The following THSD7B variants were observed in gnomAD, a reference collection of about 807,000 sequenced individuals.
The protein encoded by THSD7B is thrombospondin type 1 domain containing 7B.
THSD7B carries 138 observed loss-of-function variants against 213.6 expected under a neutral mutation model. That is an observed-to-expected ratio of 0.65 (90% CI 0.56 to 0.74). The LOEUF (loss-of-function observed/expected upper bound fraction) is 0.74, where lower values mean the gene tolerates loss of function less well. Ranked by LOEUF, THSD7B falls within the 30% of genes least tolerant of loss-of-function variation. The pLI is 0.00. For synonymous variants in THSD7B, 742 were observed against 687.0 expected (o/e 1.08, Z -1.25); for missense variants, 1,931 against 1,991.5 (o/e 0.97, Z 0.58).
chr2:136,923,205 A>T (rs1037785865), intron 2 of THSD7B, among the ~76,000 whole-genome samples: 1 of 152,208 alleles, frequency 6.6e-6, no homozygotes, highest in Non-Finnish European at 1.5e-5. Flanking sequence ...GTGGAATCAT[A>T]CAAGATTTGC....
intron 12 of THSD7B, among the ~76,000 whole-genome samples, chr2:137,352,516 T>A (rs1431560733): frequency 6.6e-6 from 1 of 152,052 alleles, no homozygotes; most frequent in Non-Finnish European, 1.5e-5. Context: ...GACTCTTTAA[T>A]CAGTTTTGTT....
At chr2:137,106,986 T>A (rs2104930712) in intron 4 of THSD7B, among the ~76,000 whole-genome samples, 1 of 152,342 alleles carries the variant, frequency 6.6e-6, no homozygotes, top group African/African-American at 2.4e-5. Flanking sequence ...AGTGTGGTGA[T>A]TCCTCAAGGA....
chr2:137,454,424 GTCTA>G (rs57128305), intron 15 of THSD7B, among the ~76,000 whole-genome samples: 41,716 of 137,800 alleles, frequency 0.3, 6,631 homozygotes, highest in East Asian at 0.42. Flanking sequence ...CTGTCTGTCT[GTCTA>G]TCTATCTATC....
chr2:137,332,124 G>A (rs1362037711), intron 12 of THSD7B, among the ~76,000 whole-genome samples: 3 of 152,210 alleles, frequency 2.0e-5, no homozygotes, highest in East Asian at 2.0e-4. Context: ...AGGAGGCACC[G>A]AGAGCGAGCG....
chr2:137,121,622 T>A (rs1688548923), intron 5 of THSD7B, among the ~76,000 whole-genome samples: 1 of 152,190 alleles, frequency 6.6e-6, no homozygotes, highest in Non-Finnish European at 1.5e-5. Context: ...TTCATACTCC[T>A]GTAGGACATC....
chr2:136,862,593 C>T (rs2104973651), intron 1 of THSD7B, among the ~76,000 whole-genome samples: 1 of 152,234 alleles, frequency 6.6e-6, no homozygotes, highest in East Asian at 1.9e-4. Flanking sequence ...GATTATTGTA[C>T]AACATAATTT....
intron 12 of THSD7B, among the ~76,000 whole-genome samples, chr2:137,282,724 G>A (rs1250012824): frequency 6.6e-6 from 1 of 152,078 alleles, no homozygotes; most frequent in Non-Finnish European, 1.5e-5. Flanking sequence ...TAGATGTGTG[G>A]TATTATTTCT....
At chr2:137,546,366 A>ATATATAATATATAT (rs1680710767) in intron 15 of THSD7B, among the ~76,000 whole-genome samples, 1 of 56,578 alleles carries the variant, frequency 1.8e-5, no homozygotes, top group Non-Finnish European at 3.2e-5. Context: ...TATATATTAT[A>ATATATAATATATAT]TATATATATA....
chr2:137,353,297 T>C (rs1288981047), intron 12 of THSD7B, among the ~76,000 whole-genome samples: 1 of 152,048 alleles, frequency 6.6e-6, no homozygotes, highest in Non-Finnish European at 1.5e-5. Flanking sequence ...TTTAGCAAGA[T>C]GTGTCAGTTA....
intron 2 of THSD7B, among the ~76,000 whole-genome samples, chr2:136,988,393 C>T (rs1685704706): frequency 6.6e-6 from 1 of 152,164 alleles, no homozygotes; most frequent in Non-Finnish European, 1.5e-5. Flanking sequence ...GGAAATAATA[C>T]CTAATTTGAA....
At chr2:137,006,009 TGGAAAACCATTTTCACACCTTTAAA>T (rs1242435112) in intron 2 of THSD7B, among the ~76,000 whole-genome samples, 1 of 152,186 alleles carries the variant, frequency 6.6e-6, no homozygotes, top group African/African-American at 2.4e-5. Flanking sequence ...CAAGGCTGAA[TGGAAAACCATTTTCACACCTTTAAA>T]TACTAAAGCA....
chr2:137,253,859 G>A (rs904606498), intron 10 of THSD7B, among the ~76,000 whole-genome samples: 3 of 152,064 alleles, frequency 2.0e-5, no homozygotes, highest in African/African-American at 7.2e-5. Flanking sequence ...GTTTCCGGAG[G>A]TTTTTGACTC....
intron 2 of THSD7B, among the ~76,000 whole-genome samples, chr2:136,897,896 A>G (rs543304385): frequency 6.6e-6 from 1 of 151,856 alleles, no homozygotes; most frequent in African/African-American, 2.4e-5. Flanking sequence ...TTAGCTAGAC[A>G]CAGAGTGCTG....
rs571107208 is a variant in THSD7B at position 137,275,302 on chromosome 2, G to A, written c.2397-621G>A. On this transcript the variant is annotated intron_variant, in intron 11 of 27. Coordinates refer to ENST00000409968, the MANE Select transcript of THSD7B (RefSeq NM_001316349.2). ...CAGATAAGATAGTTCCATGGTGCCC[G>A]TTCTTTTACTCTATAACCTATTGAG... Among the ~76,000 whole-genome samples the A allele has an allele frequency of 1.1e-4, 16 of 152,018 alleles. No individual in the cohort carries two copies. The South Asian group carries it at 2.9e-3, about 28-fold the overall frequency.
At chr2:136,922,906 G>A (rs541443351) in intron 2 of THSD7B, among the ~76,000 whole-genome samples, 2 of 152,218 alleles carry the variant, frequency 1.3e-5, no homozygotes, top group South Asian at 4.2e-4. Flanking sequence ...GAGTTTATGT[G>A]AATTTGGATA....
chr2:137,674,408 C>G (rs1160076059), intron 27 of THSD7B, among the ~76,000 whole-genome samples: 1 of 152,114 alleles, frequency 6.6e-6, no homozygotes, highest in East Asian at 1.9e-4. Flanking sequence ...CAACCCACCC[C>G]ATCACCACCA....
intron 2 of THSD7B, among the ~76,000 whole-genome samples, chr2:136,943,377 GGAT>G (rs1369125676): frequency 6.6e-6 from 1 of 152,162 alleles, no homozygotes; most frequent in African/African-American, 2.4e-5. Context: ...TTTGGTATCA[GGAT>G]GATGGCTAGC....
intron 12 of THSD7B, among the ~76,000 whole-genome samples, chr2:137,370,319 G>A (rs554057669): frequency 6.6e-6 from 1 of 152,154 alleles, no homozygotes; most frequent in South Asian, 2.1e-4. Context: ...TATGATGTAT[G>A]ACTCCATTTG....
At chr2:137,013,354 C>T (rs1686272658) in intron 2 of THSD7B, among the ~76,000 whole-genome samples, 1 of 152,072 alleles carries the variant, frequency 6.6e-6, no homozygotes, top group African/African-American at 2.4e-5. Flanking sequence ...GTTTCCAAGT[C>T]ACAGCACAAA....
Sources: gnomAD v4.1 joint callset for allele counts (sites outside exome capture counted in the v4.1 genomes callset) on GRCh38, gnomAD v4.1.1 for gene constraint, MANE v1.5 for transcripts, NCBI Gene and HGNC (gene_info 2026-07-23, HGNC 2026-07-21) for gene names.